Variants in EEFSEC observed in about 807,000 individuals in gnomAD.
EEFSEC encodes the protein selenocysteine-specific elongation factor.
Under a neutral mutation model 42.1 loss-of-function variants are expected in EEFSEC, and 43 were observed. That is an observed-to-expected ratio of 1.02 (90% CI 0.80 to 1.32). The LOEUF is 1.32. EEFSEC is among the 40% of genes most tolerant of loss of function. The pLI, the probability that EEFSEC is intolerant of heterozygous loss-of-function variation, is 0.00. For synonymous variants in EEFSEC, 354 were observed against 339.1 expected, an observed-to-expected ratio of 1.04 and a Z score of -0.48; for missense variants, 745 against 803.6, an observed-to-expected ratio of 0.93 and a Z score of 0.88.
At chr3:128,402,168 C>A (rs2068055725) in intron 6 of EEFSEC, among the ~76,000 whole-genome samples, 1 of 152,192 alleles carries the variant, frequency 6.6e-6, no homozygotes, top group African/African-American at 2.4e-5. Flanking sequence ...TTGGGAAATA[C>A]ATAAAAGAAG....
At chr3:128,251,692 T>C (rs2107908365) in intron 2 of EEFSEC, among the ~76,000 whole-genome samples, 1 of 152,366 alleles carries the variant, frequency 6.6e-6, no homozygotes, top group Non-Finnish European at 1.5e-5. Flanking sequence ...AGTAAAGATA[T>C]TGCTGTTAAC....
intron 1 of EEFSEC, 21 bp from the exon 2 acceptor site, chr3:128,246,815 C>T (rs1471458404): frequency 6.2e-7 from 1 of 1,612,202 alleles, no homozygotes; most frequent in Non-Finnish European, 8.5e-7. Context: ...CCCTTTCTAA[C>T]CTTCTCTTCT....
chr3:128,300,745 A>C (rs1305261615), intron 4 of EEFSEC, among the ~76,000 whole-genome samples: 2 of 152,212 alleles, frequency 1.3e-5, no homozygotes, highest in African/African-American at 4.8e-5. Context: ...AAATAATCCT[A>C]ATGCAATATG....
At chr3:128,312,899 A>C (rs1215125258) in intron 4 of EEFSEC, among the ~76,000 whole-genome samples, 1 of 152,252 alleles carries the variant, frequency 6.6e-6, no homozygotes, top group East Asian at 1.9e-4. Context: ...ACTTCTAGAA[A>C]GAGATAGTTC....
chr3:128,264,832 G>A (rs761659328), intron 4 of EEFSEC, 51 bp downstream of exon 4: 3 of 1,576,634 alleles, frequency 1.9e-6, no homozygotes, highest in South Asian at 1.2e-5. Context: ...CAGCAAGGGA[G>A]GGGGACTGTC....
At chr3:128,325,303 T>TC (rs924675841) in intron 4 of EEFSEC, among the ~76,000 whole-genome samples, 26 of 152,364 alleles carry the variant, frequency 1.7e-4, no homozygotes, top group African/African-American at 6.3e-4. Context: ...GACCCAAGCC[T>TC]CTGTGCCTCA....
intron 6 of EEFSEC, among the ~76,000 whole-genome samples, chr3:128,377,445 A>G (rs2067722913): frequency 6.6e-6 from 1 of 152,182 alleles, no homozygotes; most frequent in Non-Finnish European, 1.5e-5. Context: ...TGTAAAATGG[A>G]TACCGAATGT....
In EEFSEC at chr3:128,293,672, A is replaced by ACAAAAAC. The variant is rs1553752129; in HGVS notation, c.786+28891_786+28892insCAAAAAC. On this transcript the variant is annotated intron_variant, in intron 4 of 6. Transcript: ENST00000254730. ...CAAGACTCTATCTCAAAAAAAAAAA[A>ACAAAAAC]AAAAAAAAAAAAAAACTTCCCTTAT... 2.1e-3 allele frequency among the ~76,000 whole-genome samples: 26 copies of ACAAAAAC among 12,358 alleles called. 4 individuals are homozygous for ACAAAAAC. In the East Asian group the frequency reaches 0.024, roughly 11 times the overall value. 8.1% of individuals were successfully genotyped at this position (12,358 alleles called of 152,430 possible).
At chr3:128,217,555 G>C (rs1170482108) in intron 1 of EEFSEC, among the ~76,000 whole-genome samples, 1 of 152,178 alleles carries the variant, frequency 6.6e-6, no homozygotes, top group African/African-American at 2.4e-5. Flanking sequence ...CCATTGGTTT[G>C]GCTCTCAGGA....
intron 4 of EEFSEC, among the ~76,000 whole-genome samples, chr3:128,293,373 C>A (rs1161851345): frequency 1.3e-5 from 2 of 152,166 alleles, no homozygotes; most frequent in Non-Finnish European, 2.9e-5. Flanking sequence ...CTGTCTGTCT[C>A]TCCTAGTAGA....
chr3:128,174,852 G>A (rs2065332263), intron 1 of EEFSEC, among the ~76,000 whole-genome samples: 1 of 152,108 alleles, frequency 6.6e-6, no homozygotes, highest in African/African-American at 2.4e-5. Flanking sequence ...GAAGTCCTTG[G>A]GGCAGTCAAA....
chr3:128,406,633 A>C (rs1317142415), intron 6 of EEFSEC, among the ~76,000 whole-genome samples: 2 of 152,106 alleles, frequency 1.3e-5, no homozygotes, highest in African/African-American at 4.8e-5. Flanking sequence ...CAACATGGCA[A>C]AACCCCATCT....
At chr3:128,175,847 T>C (rs1298256622) in intron 1 of EEFSEC, among the ~76,000 whole-genome samples, 1 of 152,120 alleles carries the variant, frequency 6.6e-6, no homozygotes, top group Non-Finnish European at 1.5e-5. Context: ...GGTTAGAGGT[T>C]TGTGACACCC....
chr3:128,252,903 C>T (rs1161615908), intron 2 of EEFSEC, among the ~76,000 whole-genome samples: 4 of 152,234 alleles, frequency 2.6e-5, no homozygotes, highest in Middle Eastern at 3.4e-3. Flanking sequence ...AGCTCCTGCC[C>T]GCACTACAGA....
chr3:128,241,564 T>C (rs2066072220), intron 1 of EEFSEC, among the ~76,000 whole-genome samples: 1 of 152,022 alleles, frequency 6.6e-6, no homozygotes, highest in Non-Finnish European at 1.5e-5. Flanking sequence ...AGGCTGGTCT[T>C]GAACTCCTGA....
At chr3:128,291,040 G>A (rs1027430394) in intron 4 of EEFSEC, among the ~76,000 whole-genome samples, 3 of 151,906 alleles carry the variant, frequency 2.0e-5, no homozygotes, top group Non-Finnish European at 2.9e-5. Context: ...ATGAACCACC[G>A]TGCCCGGCCT....
At chr3:128,184,711 A>C (rs564522057) in intron 1 of EEFSEC, among the ~76,000 whole-genome samples, 2 of 152,342 alleles carry the variant, frequency 1.3e-5, no homozygotes, top group South Asian at 4.1e-4. Flanking sequence ...GATTCTGTTT[A>C]AAATGAAGGA....
At chr3:128,420,694 G>A in the EEFSEC span, among the ~76,000 whole-genome samples, 1 of 152,206 alleles carries the variant, frequency 6.6e-6, no homozygotes, top group East Asian at 1.9e-4. Flanking sequence ...CCCAGTGAAA[G>A]ATGACAGGAC....
intron 1 of EEFSEC, among the ~76,000 whole-genome samples, chr3:128,181,489 C>A (rs533311737): frequency 6.6e-6 from 1 of 152,312 alleles, no homozygotes; most frequent in South Asian, 2.1e-4. Context: ...CCATCCTGAT[C>A]CAGATTTAGA....
Sources: allele counts gnomAD v4.1 joint callset (sites outside exome capture counted in the v4.1 genomes callset), GRCh38; gene constraint gnomAD v4.1.1; transcripts MANE v1.5; gene names NCBI Gene and HGNC (gene_info 2026-07-23, HGNC 2026-07-21).